Variants in FGD6 observed in about 807,000 individuals in gnomAD.
The protein encoded by FGD6 is FYVE, RhoGEF and PH domain-containing protein 6.
A neutral mutation model predicts 149.4 loss-of-function variants in FGD6; 90 were observed. That is an observed-to-expected ratio of 0.60 (90% confidence interval 0.51 to 0.72). FGD6 has a LOEUF of 0.72. Among genes scored for constraint, FGD6 ranks in the 30% least tolerant of loss-of-function variants. FGD6 has a pLI of 0.00. For synonymous variants in FGD6, 527 were observed against 584.0 expected, an observed-to-expected ratio of 0.90 and a Z score of 1.41; for missense variants, 1,437 against 1,684.8, an observed-to-expected ratio of 0.85 and a Z score of 2.57.
intron 6 of FGD6, among the ~76,000 whole-genome samples, chr12:95,141,038 A>T (rs1205983352): frequency 6.6e-6 from 1 of 152,134 alleles, no homozygotes; most frequent in African/African-American, 2.4e-5. Context: ...CCTGGCCAAC[A>T]CGGTGAAACC....
At chr12:95,211,389 C>G in intron 1 of FGD6, 122 bp from the exon 2 acceptor site, 1 of 1,153,934 alleles carries the variant, frequency 8.7e-7, no homozygotes, top group Non-Finnish European at 1.2e-6. Flanking sequence ...GAGTATGTTA[C>G]ATTATATAGT....
At chr12:95,131,220 T>C (rs1390791999) in intron 8 of FGD6, among the ~76,000 whole-genome samples, 1 of 151,466 alleles carries the variant, frequency 6.6e-6, no homozygotes, top group African/African-American at 2.4e-5. Flanking sequence ...CAAACAATTC[T>C]GCCTCAGCCT....
intron 8 of FGD6, among the ~76,000 whole-genome samples, chr12:95,116,632 G>A (rs12827193): frequency 1.3e-5 from 2 of 152,240 alleles, no homozygotes; most frequent in East Asian, 3.9e-4. Flanking sequence ...AAAACCCACC[G>A]TTAACACGTT....
At chr12:95,094,559 A>C (rs1218800489) in intron 15 of FGD6, 33 bp downstream of exon 15, 1 of 1,452,396 alleles carries the variant, frequency 6.9e-7, no homozygotes, top group South Asian at 1.2e-5. Flanking sequence ...TTTGAAATGC[A>C]CTGGAAAAAA....
intron 18 of FGD6, among the ~76,000 whole-genome samples, chr12:95,087,637 C>T (rs999256726): frequency 1.3e-5 from 2 of 152,154 alleles, no homozygotes; most frequent in African/African-American, 4.8e-5. Context: ...CATGCCTGGA[C>T]TCTGGAGATA....
At chr12:95,092,987 G>A (rs1274972995) in intron 15 of FGD6, 142 bp from the exon 16 acceptor site, 17 of 870,130 alleles carry the variant, frequency 2.0e-5, no homozygotes, top group African/African-American at 1.4e-4. Context: ...TTGGGAGGCC[G>A]AGTCGAGTGG....
At chr12:95,146,653 T>C (rs570779330) in intron 5 of FGD6, among the ~76,000 whole-genome samples, 1 of 152,268 alleles carries the variant, frequency 6.6e-6, no homozygotes, top group East Asian at 1.9e-4. Context: ...TTGAACCACC[T>C]ACACTGTAGT....
intron 2 of FGD6, among the ~76,000 whole-genome samples, chr12:95,184,065 T>C (rs1881357436): frequency 6.6e-6 from 1 of 152,204 alleles, no homozygotes; most frequent in African/African-American, 2.4e-5. Flanking sequence ...AACTTACATG[T>C]TCCAGAAATG....
chr12:95,100,648 G>A, intron 14 of FGD6: 1 of 535,098 alleles, frequency 1.9e-6, no homozygotes, highest in East Asian at 5.2e-5. Context: ...GTGCACTATG[G>A]AGCTTGGCAG....
chr12:95,143,298 T>G (rs985995753), intron 5 of FGD6, among the ~76,000 whole-genome samples: 1 of 151,916 alleles, frequency 6.6e-6, no homozygotes, highest in Non-Finnish European at 1.5e-5. Flanking sequence ...TTTTTGTTTT[T>G]TTTTTTTTTA....
intron 2 of FGD6, among the ~76,000 whole-genome samples, chr12:95,186,454 T>C (rs1465487912): frequency 1.4e-5 from 2 of 145,576 alleles, no homozygotes; most frequent in Non-Finnish European, 3.0e-5. Context: ...TGCCTCAGCC[T>C]CCCAAAGTGC....
At chr12:95,118,919 AC>A (rs1393038976) in intron 8 of FGD6, among the ~76,000 whole-genome samples, 1 of 152,250 alleles carries the variant, frequency 6.6e-6, no homozygotes, top group African/African-American at 2.4e-5. Flanking sequence ...GTGTCAACTT[AC>A]AAAACATACT....
chr12:95,085,849 A>G lies in FGD6; in HGVS notation c.4038T>C (p.Asn1346=), dbSNP rs374453307. The change falls in exon 19 of 21, where the codon AAT becomes AAC. Residue 1346 remains asparagine, a synonymous_variant. Coordinates refer to ENST00000343958, the MANE Select transcript of FGD6 (RefSeq NM_018351.4). ...MSGYLYRSKG[N]KKPWKHFWFV... is the part of the protein sequence containing the mutation. Reference sequence around the variant, plus strand: ...ACCAAAAGTGTTTCCAGGGTTTTTTATTGCCCTTTGATCTGTACAAGTAGC... The same window carrying G: ...ACCAAAAGTGTTTCCAGGGTTTTTTGTTGCCCTTTGATCTGTACAAGTAGC... 7 of 1,613,704 alleles carry G rather than the reference A, an allele frequency of 4.3e-6. No homozygotes were observed. The African/African-American group carries it at 9.3e-5, about 22-fold the overall frequency.
In FGD6 at chr12:95,209,788, G is replaced by C; in HGVS notation, c.1496C>G (p.Pro499Arg). 2 of 1,611,780 alleles carry C rather than the reference G, an allele frequency of 1.2e-6. No homozygotes were observed. The highest frequency in any genetic ancestry group is 1.1e-5 in the South Asian group (1 of 90,444). Reference sequence around the variant, plus strand: ...TGTAGCAGGCAAGCTATGTCTTTGAGGTTTTTTGGGGACAATTCGTAGAGA... The same window carrying C: ...TGTAGCAGGCAAGCTATGTCTTTGACGTTTTTTGGGGACAATTCGTAGAGA... ...ENSLRIVPKK[P>R]QRHSLPATGV... Residue 499 changes from proline to arginine, a missense_variant, in exon 2 of 21, where the codon CCT (proline) becomes CGT (arginine). By Grantham distance (103) the Pro-to-Arg change is moderately radical. Coordinates refer to ENST00000343958, the MANE Select transcript of FGD6 (RefSeq NM_018351.4).
intron 5 of FGD6, among the ~76,000 whole-genome samples, chr12:95,149,782 GTATAT>G (rs1017631154): frequency 2.1e-5 from 3 of 142,178 alleles, no homozygotes; most frequent in African/African-American, 2.6e-5. Flanking sequence ...AGTATATATA[GTATAT>G]TATATGATAT....
chr12:95,113,072 A>G (rs2136244220), intron 9 of FGD6, among the ~76,000 whole-genome samples: 1 of 152,174 alleles, frequency 6.6e-6, no homozygotes, highest in South Asian at 2.1e-4. Context: ...GACCTCAGCC[A>G]CCACGCTGGC....
At chr12:95,144,375 T>C (rs1879944576) in intron 5 of FGD6, among the ~76,000 whole-genome samples, 1 of 152,064 alleles carries the variant, frequency 6.6e-6, no homozygotes, top group Non-Finnish European at 1.5e-5. Context: ...TGAGAGTATA[T>C]ATCCATGAAA....
Position 95,081,077 on chromosome 12 carries a change from A to C in FGD6, c.*443T>G, listed in dbSNP as rs1672195447. 1 of 152,314 alleles carries C rather than the reference A, an allele frequency of 6.6e-6. No homozygotes were observed. The highest frequency in any genetic ancestry group is 2.4e-5 in the African/African-American group (1 of 41,470). 9.4% of individuals were successfully genotyped at this position (152,314 alleles called of 1,614,324 possible). A position where few individuals can be genotyped will look rare whatever the true frequency, so the allele number is the denominator to read the frequency against. On this transcript the variant is annotated 3_prime_UTR_variant, in exon 21 of 21. Coordinates refer to ENST00000343958, the MANE Select transcript of FGD6 (RefSeq NM_018351.4). ...ATGCATTTTTTTCATCAGCAGTTTT[A>C]TAATAATCACAATTCCTAAACCAAG... is the stretch of plus-strand genomic sequence containing the variant.
At position 95,092,609 on chromosome 12, in the gene FGD6, A is replaced by G. The variant is rs1592826775; in HGVS notation, c.3747+90T>C. The G allele has an allele frequency of 3.8e-6, 5 of 1,301,048 alleles. No individual in the cohort carries two copies. The East Asian group carries it at 9.4e-5, about 25-fold the overall frequency. 80.6% of individuals were successfully genotyped at this position (1,301,048 alleles called of 1,614,324 possible). On this transcript the variant is annotated intron_variant, in intron 16 of 20. Transcript: ENST00000343958. ...ATAGTTATTGTTATTCTTGAACTAT[A>G]ATGGTTTATGAGGGGAAATATGCTT...
Sources: allele counts gnomAD v4.1 joint callset (sites outside exome capture counted in the v4.1 genomes callset), GRCh38; gene constraint gnomAD v4.1.1; transcripts MANE v1.5; gene names NCBI Gene and HGNC (gene_info 2026-07-23, HGNC 2026-07-21).